The following SNX29 variants were observed in gnomAD, a reference collection of about 807,000 sequenced individuals.
SNX29 encodes sorting nexin 29.
In SNX29, 78 loss-of-function variants were observed where a neutral mutation model predicts 102.1. The ratio of observed to expected loss-of-function variants is 0.76; its 90% CI spans 0.64 to 0.92. The LOEUF is 0.92. SNX29 is among the 40% of genes least tolerant of loss of function. The pLI is 0.00. For missense variants in SNX29, 1,280 were observed against 1,061.7 expected, an observed-to-expected ratio of 1.21 and a Z score of -2.86; for synonymous variants, 580 against 414.5, an observed-to-expected ratio of 1.40 and a Z score of -4.85.
rs190612744 is a variant in SNX29, at chr16:12,404,349, C to G, written c.2037+820C>G. Reference sequence around the variant, plus strand: ...GGGACTCCAGTTCTCCGTCTCCTCTCTGATTTTCTGAAGCCTCTTTTAGCC... The same window carrying G: ...GGGACTCCAGTTCTCCGTCTCCTCTGTGATTTTCTGAAGCCTCTTTTAGCC... On this transcript the variant is annotated intron_variant, in intron 18 of 20. Transcript: ENST00000566228. Among the ~76,000 whole-genome samples, 6 of 152,282 alleles carry G rather than the reference C, an allele frequency of 3.9e-5. No homozygotes were observed. In the East Asian group the frequency reaches 1.2e-3, roughly 29 times the overall value.
intron 18 of SNX29, chr16:12,443,200 A>G: frequency 2.8e-6 from 1 of 355,288 alleles, no homozygotes; most frequent in Non-Finnish European, 5.5e-6. Flanking sequence ...TGCTCAGTAG[A>G]TCCTGCTGGG....
At chr16:12,192,440 C>G (rs1239933976) in intron 13 of SNX29, among the ~76,000 whole-genome samples, 2 of 152,218 alleles carry the variant, frequency 1.3e-5, no homozygotes, top group Non-Finnish European at 2.9e-5. Context: ...CCGGCTTCTT[C>G]TGTTTCCACC....
chr16:12,137,067 A>G (rs1313600874), intron 13 of SNX29, among the ~76,000 whole-genome samples: 1 of 152,160 alleles, frequency 6.6e-6, no homozygotes, highest in Non-Finnish European at 1.5e-5. Flanking sequence ...CGGGCATGTT[A>G]TGGCTAAGAG....
intron 17 of SNX29, among the ~76,000 whole-genome samples, chr16:12,399,761 G>C (rs2083866433): frequency 6.6e-6 from 1 of 152,154 alleles, no homozygotes. Context: ...GGCTGATAGG[G>C]TGGAGAGGCT....
intron 11 of SNX29, among the ~76,000 whole-genome samples, chr16:12,083,400 G>T (rs1596814300): frequency 6.6e-6 from 1 of 152,060 alleles, no homozygotes; most frequent in African/African-American, 2.4e-5. Flanking sequence ...TTCTGGTAAG[G>T]CCTCTTTCCT....
chr16:12,562,207 C>G (rs555438428), intron 20 of SNX29, among the ~76,000 whole-genome samples: 73 of 152,008 alleles, frequency 4.8e-4, no homozygotes, highest in Non-Finnish European at 8.7e-4. Flanking sequence ...AGGAGTGAAC[C>G]CTGCTGGAGG....
chr16:12,487,087 A>G (rs577179940), intron 19 of SNX29, among the ~76,000 whole-genome samples: 2 of 152,186 alleles, frequency 1.3e-5, no homozygotes, highest in South Asian at 2.1e-4. Context: ...TACTAGGAAT[A>G]CTCATGCCAC....
chr16:12,545,765 G>C (rs890940425), intron 20 of SNX29, among the ~76,000 whole-genome samples: 1 of 152,122 alleles, frequency 6.6e-6, no homozygotes, highest in African/African-American at 2.4e-5. Context: ...TGGAGAGGCA[G>C]CTTTTAAACA....
chr16:12,449,430 A>T (rs973491571), intron 18 of SNX29, among the ~76,000 whole-genome samples: 1 of 152,096 alleles, frequency 6.6e-6, no homozygotes. Flanking sequence ...TAGGTGGATT[A>T]TGCAGTGCAA....
intron 11 of SNX29, among the ~76,000 whole-genome samples, chr16:12,104,448 C>T (rs1306252060): frequency 6.6e-6 from 1 of 152,058 alleles, no homozygotes; most frequent in Non-Finnish European, 1.5e-5. Flanking sequence ...CCCAGCTATA[C>T]AGGAGGCTGA....
intron 14 of SNX29, among the ~76,000 whole-genome samples, chr16:12,211,598 T>A (rs830722): frequency 6.6e-6 from 1 of 151,982 alleles, no homozygotes; most frequent in African/African-American, 2.4e-5. Context: ...AGATTGAGAT[T>A]GATCGATATT....
At chr16:12,009,392 G>A (rs2056568951) in intron 3 of SNX29, among the ~76,000 whole-genome samples, 1 of 151,588 alleles carries the variant, frequency 6.6e-6, no homozygotes, top group Non-Finnish European at 1.5e-5. Flanking sequence ...GTGTGTGTGG[G>A]TATGTGTGTG....
intron 3 of SNX29, among the ~76,000 whole-genome samples, chr16:12,025,126 AC>A (rs1183045832): frequency 6.6e-6 from 1 of 151,988 alleles, no homozygotes; most frequent in East Asian, 1.9e-4. Context: ...ACATGGTGAA[AC>A]CCCATCTCTA....
chr16:12,207,476 C>T (rs556932221), intron 14 of SNX29, among the ~76,000 whole-genome samples: 34 of 152,342 alleles, frequency 2.2e-4, no homozygotes, highest in South Asian at 6.2e-4. Flanking sequence ...TCCCTGCTCC[C>T]GCAAGAATCC....
chr16:12,042,589 T>C (rs1289119498), intron 4 of SNX29, among the ~76,000 whole-genome samples: 1 of 152,192 alleles, frequency 6.6e-6, no homozygotes, highest in Non-Finnish European at 1.5e-5. Flanking sequence ...TATTTCGTTT[T>C]CTATTTCTGT....
At chr16:12,240,585 CTTTTT>C (rs1180028807) in intron 14 of SNX29, among the ~76,000 whole-genome samples, 7 of 64,786 alleles carry the variant, frequency 1.1e-4, no homozygotes, top group Admixed American at 2.3e-4. Flanking sequence ...TTTGTCATTT[CTTTTT>C]TTTTTTTTTT....
chr16:12,114,797 C>T (rs1011822446), intron 11 of SNX29, among the ~76,000 whole-genome samples: 6 of 152,064 alleles, frequency 3.9e-5, no homozygotes, highest in Admixed American at 6.5e-5. Flanking sequence ...GCATGTTGGC[C>T]AGGCTGGTCT....
chr16:12,419,031 C>T (rs927214097), intron 18 of SNX29, among the ~76,000 whole-genome samples: 1 of 152,190 alleles, frequency 6.6e-6, no homozygotes, highest in Non-Finnish European at 1.5e-5. Flanking sequence ...TGCTGCTCAA[C>T]ATCCTACAGT....
chr16:12,193,666 A>G (rs2076700805), intron 13 of SNX29, among the ~76,000 whole-genome samples: 1 of 152,148 alleles, frequency 6.6e-6, no homozygotes, highest in Admixed American at 6.5e-5. Flanking sequence ...TTTACTTAAT[A>G]TTTGTATAAG....
Sources: gnomAD v4.1 joint callset for allele counts (sites outside exome capture counted in the v4.1 genomes callset) on GRCh38, gnomAD v4.1.1 for gene constraint, MANE v1.5 for transcripts, NCBI Gene and HGNC (gene_info 2026-07-23, HGNC 2026-07-21) for gene names.